The following NOL11 variants were observed in gnomAD, a reference collection of about 807,000 sequenced individuals.
The protein encoded by NOL11 is nucleolar protein 11.
Under a neutral mutation model 93.0 loss-of-function variants are expected in NOL11, and 42 were observed. The ratio of observed to expected loss-of-function variants is 0.45; its 90% confidence interval spans 0.35 to 0.58. The LOEUF is 0.58. NOL11 is among the 20% of genes least tolerant of loss of function. The pLI is 0.00. For synonymous variants in NOL11, 296 were observed against 293.7 expected, an observed-to-expected ratio of 1.01 and a Z score of -0.08; for missense variants, 775 against 841.8, an observed-to-expected ratio of 0.92 and a Z score of 0.98.
chr17:67,730,847 C>T (rs558951645), intron 7 of NOL11, among the ~76,000 whole-genome samples: 3 of 152,170 alleles, frequency 2.0e-5, no homozygotes, highest in East Asian at 1.9e-4. Flanking sequence ...GAAGAACTGC[C>T]GAACTCCACA....
At chr17:67,740,631 T>TA (rs1335533988) in intron 16 of NOL11, 4 of 153,408 alleles carry the variant, frequency 2.6e-5, no homozygotes, top group South Asian at 2.1e-4. Context: ...AAAACTTATT[T>TA]AAAAAACAGT....
rs776908403 is a variant in NOL11 at position 67,743,780 on chromosome 17, GTT to G, written c.2084_2085del (p.Phe695SerfsTer12). On this transcript the variant is annotated frameshift_variant, in exon 18 of 18. Coordinates refer to ENST00000253247, the MANE Select transcript of NOL11 (RefSeq NM_015462.5). LOFTEE classifies it high-confidence loss of function. ...TCTGAGCTCAACAAGATTGAAGTAA[GTT>G]TTCGGGAGCTACAGAAATTAAATCA... 6.5e-7 allele frequency: 1 copy of G among 1,547,946 alleles called. No individual in the cohort carries two copies. Among genetic ancestry groups the G allele is most frequent in the African/African-American group, 1.4e-5 (1 of 71,166 alleles).
rs893218990 is a variant in NOL11 at position 67,726,776 on chromosome 17, T to A, written c.853+128T>A. 1.4e-5 allele frequency: 9 copies of A among 663,184 alleles called. No homozygotes were observed. The African/African-American group carries it at 1.7e-4, about 13-fold the overall frequency. The allele number at this position is 663,184 out of a possible 1,614,324, so 41.1% of individuals were successfully genotyped here. A position where few individuals can be genotyped will look rare whatever the true frequency, so the allele number is the denominator to read the frequency against. ...TCATTCTCTTTATCAGCATACTCAA[T>A]TTTTTTTGTGCCTTCCTAATTCTTC... is the stretch of plus-strand genomic sequence containing the variant. On this transcript the variant is annotated intron_variant, in intron 7 of 17. Coordinates refer to ENST00000253247, the MANE Select transcript of NOL11 (RefSeq NM_015462.5).
chr17:67,720,811 G>A (rs971544710), intron 3 of NOL11, among the ~76,000 whole-genome samples: 1 of 152,154 alleles, frequency 6.6e-6, no homozygotes, highest in Non-Finnish European at 1.5e-5. Flanking sequence ...GCTCACAATA[G>A]GGTTAATTCA....
At position 67,735,917 on chromosome 17, in the gene NOL11, A is replaced by C. The variant is rs771026427; in HGVS notation, c.948A>C (p.Glu316Asp). ...GTSGQLWYYG[E>D]HLFMLHGKSL... ...TTTTGTAGCTCTGGTATTATGGAGA[A>C]CATTTGTTTATGCTACATGGAAAAT... Residue 316 changes from glutamate (E) to aspartate (D), a missense_variant, in exon 9 of 18, where the codon GAA (glutamate) becomes GAC (aspartate). Coordinates refer to ENST00000253247, the MANE Select transcript of NOL11 (RefSeq NM_015462.5). The C allele has an allele frequency of 3.7e-6, 6 of 1,609,768 alleles. No homozygotes were observed. The highest frequency in any genetic ancestry group is 3.4e-5 in the Admixed American group (2 of 59,072).
intron 7 of NOL11, among the ~76,000 whole-genome samples, chr17:67,730,778 C>T (rs936433511): frequency 6.6e-6 from 1 of 152,196 alleles, no homozygotes; most frequent in Non-Finnish European, 1.5e-5. Context: ...TTTGTCATTC[C>T]TTTGCATTGC....
chr17:67,722,530 C>T (rs757577654), intron 4 of NOL11, 50 bp from the exon 5 acceptor site: 7 of 1,543,930 alleles, frequency 4.5e-6, no homozygotes, highest in Non-Finnish European at 5.2e-6. Flanking sequence ...ATGTGTCTCC[C>T]AGCTGGTGAT....
chr17:67,718,415 G>A (rs1401044310), intron 1 of NOL11, among the ~76,000 whole-genome samples: 1 of 152,206 alleles, frequency 6.6e-6, no homozygotes, highest in Non-Finnish European at 1.5e-5. Flanking sequence ...TATCTTAGCC[G>A]CCCGCGGGAG....
At position 67,739,569 on chromosome 17, in the gene NOL11, T is replaced by TA; in HGVS notation, c.1897dup (p.Met633AsnfsTer55). 1 of 1,602,590 alleles carries TA rather than the reference T, an allele frequency of 6.2e-7. No homozygotes were observed. On this transcript the variant is annotated frameshift_variant, in exon 16 of 18. Coordinates refer to ENST00000253247, the MANE Select transcript of NOL11 (RefSeq NM_015462.5). LOFTEE classifies it high-confidence loss of function. Reference sequence around the variant, plus strand: ...ACCTGAAGTGTAGCGAAAATGCTACTATGACTCTTCCTGGAATACACCCAC... The same window carrying TA: ...ACCTGAAGTGTAGCGAAAATGCTACTAATGACTCTTCCTGGAATACACCCAC...
chr17:67,735,806 A>G, intron 8 of NOL11, 94 bp from the exon 9 acceptor site: 1 of 866,900 alleles, frequency 1.2e-6, no homozygotes, highest in South Asian at 2.6e-5. Context: ...CGTTTTTAAT[A>G]CTGAGCACTT....
chr17:67,743,052 G>A (rs1383612741), intron 16 of NOL11, among the ~76,000 whole-genome samples: 1 of 152,150 alleles, frequency 6.6e-6, no homozygotes, highest in African/African-American at 2.4e-5. Context: ...GACCAGCTTG[G>A]CAATAAGGCG....
At position 67,737,964 on chromosome 17, in the gene NOL11, T is replaced by G. The variant is rs1441680795; in HGVS notation, c.1521T>G (p.Ile507Met). Residue 507 changes from isoleucine (I) to methionine (M), a missense_variant, in exon 13 of 18, where the codon ATT (isoleucine) becomes ATG (methionine). Physicochemically the swap from Ile to Met is conservative, Grantham distance 10. Around this residue, in one of 2 missense-constraint regions of NOL11, gnomAD observed 416 missense variants for 525.2 expected, o/e 0.79. Transcript: ENST00000253247. The stretch of plus-strand genomic sequence containing the variant: ...CAGTCACCTGTGCTTGCTTAAAAAT[T>G]TTCTTGAGGTAAGTTAGACTCCAAT... Reference protein sequence around the residue: ...PESVTCACLKIFLSIGDDSLQ... With the variant: ...PESVTCACLKMFLSIGDDSLQ... The G allele has an allele frequency of 6.2e-7, 1 of 1,607,740 alleles. No individual in the cohort carries two copies. Among genetic ancestry groups the G allele is most frequent in the East Asian group, 2.2e-5 (1 of 44,830 alleles).
chr17:67,740,517 G>A (rs540516277), intron 16 of NOL11, among the ~76,000 whole-genome samples: 1 of 150,896 alleles, frequency 6.6e-6, no homozygotes, highest in Non-Finnish European at 1.5e-5. Flanking sequence ...GCTGAGGCAG[G>A]AGAATCACTT....
At chr17:67,719,840 C>G in intron 2 of NOL11, 53 bp downstream of exon 2, 1 of 1,473,504 alleles carries the variant, frequency 6.8e-7, no homozygotes, top group Non-Finnish European at 9.3e-7. Flanking sequence ...TGATTATTAA[C>G]TATTTGTATT....
chr17:67,738,047 G>C, intron 13 of NOL11, 75 bp downstream of exon 13: 1 of 1,551,646 alleles, frequency 6.4e-7, no homozygotes, highest in East Asian at 2.3e-5. Context: ...CCAAAATTTT[G>C]ATGCTTAGGA....
At chr17:67,738,382 TG>T in intron 14 of NOL11, 27 bp downstream of exon 14, 1 of 1,474,358 alleles carries the variant, frequency 6.8e-7, no homozygotes. Flanking sequence ...AGCATCCCTC[TG>T]TTTCTCTTTA....
At chr17:67,735,788 C>T in intron 8 of NOL11, 112 bp from the exon 9 acceptor site, 2 of 664,436 alleles carry the variant, frequency 3.0e-6, no homozygotes, top group Non-Finnish European at 4.6e-6. Flanking sequence ...AAGTTGCTTA[C>T]TTTGCCTCGT....
At chr17:67,725,273 GAC>G (rs1329953013) in intron 6 of NOL11, among the ~76,000 whole-genome samples, 3 of 152,184 alleles carry the variant, frequency 2.0e-5, no homozygotes, top group South Asian at 2.1e-4. Flanking sequence ...TAGCAACTGA[GAC>G]AGATGGGCAA....
intron 7 of NOL11, among the ~76,000 whole-genome samples, chr17:67,730,537 G>GCCTCCCGAAGTGCTCCCGAAGC (rs1378788507): frequency 1.3e-5 from 2 of 152,218 alleles, no homozygotes; most frequent in Non-Finnish European, 2.9e-5. Context: ...TGGGATTACA[G>GCCTCCCGAAGTGCTCCCGAAGC]GCGTGAGCCA....
Sources: gnomAD v4.1 joint callset for allele counts (sites outside exome capture counted in the v4.1 genomes callset) on GRCh38, gnomAD v4.1.1 for gene constraint, gnomAD v4.1.1 regional missense constraint, MANE v1.5 for transcripts, NCBI Gene and HGNC (gene_info 2026-07-23, HGNC 2026-07-21) for gene names.